Variants in TLCD4 observed in about 807,000 individuals in gnomAD.
TLCD4 encodes the protein TLC domain-containing protein 4.
Under a neutral mutation model 24.2 loss-of-function variants are expected in TLCD4, and 7 were observed. The ratio of observed to expected loss-of-function variants is 0.29; its 90% CI spans 0.16 to 0.54. The LOEUF is 0.54. Among genes scored for constraint, TLCD4 ranks in the 20% least tolerant of loss-of-function variants. TLCD4 has a pLI of 0.95. For synonymous variants in TLCD4, 103 were observed against 106.4 expected (o/e 0.97, Z 0.20); for missense variants, 259 against 313.9 (o/e 0.82, Z 1.32).
chr1:95,156,333 A>C (rs555541334), intron 5 of TLCD4, among the ~76,000 whole-genome samples: 1 of 152,138 alleles, frequency 6.6e-6, no homozygotes, highest in Non-Finnish European at 1.5e-5. Context: ...TCAGATCTTC[A>C]TGGGTGATAC....
intron 5 of TLCD4, 90 bp downstream of exon 5, chr1:95,151,509 T>A: frequency 6.8e-7 from 1 of 1,476,028 alleles, no homozygotes; most frequent in Non-Finnish European, 9.2e-7. Context: ...ATACAATTCT[T>A]AGTTTTTAAA....
At chr1:95,142,272 G>GAAGCTCTTTTATA (rs1350375280) in intron 1 of TLCD4, among the ~76,000 whole-genome samples, 1 of 141,668 alleles carries the variant, frequency 7.1e-6, no homozygotes, top group African/African-American at 2.6e-5. Flanking sequence ...GTTAAGACCT[G>GAAGCTCTTTTATA]AAGCTCTTTT....
chr1:95,190,561 T>A (rs991013204), intron 6 of TLCD4, among the ~76,000 whole-genome samples: 1 of 152,030 alleles, frequency 6.6e-6, no homozygotes, highest in Admixed American at 6.6e-5. Flanking sequence ...ACTCCTGACC[T>A]GATGATCCAC....
At chr1:95,153,632 C>A (rs574819094) in intron 5 of TLCD4, among the ~76,000 whole-genome samples, 1 of 152,114 alleles carries the variant, frequency 6.6e-6, no homozygotes, top group Non-Finnish European at 1.5e-5. Context: ...CCAATTCACA[C>A]GTAGTTTGCC....
At chr1:95,120,636 GAGGA>G (rs1423011600) in intron 1 of TLCD4, among the ~76,000 whole-genome samples, 2 of 152,226 alleles carry the variant, frequency 1.3e-5, no homozygotes, top group African/African-American at 2.4e-5. Flanking sequence ...GCCAGCACTG[GAGGA>G]AGGGAGTCCC....
intron 6 of TLCD4, among the ~76,000 whole-genome samples, chr1:95,188,794 T>C (rs11165336): frequency 0.4 from 60,555 of 151,818 alleles, 13,444 homozygotes; most frequent in East Asian, 0.62. Context: ...GTATATTGTG[T>C]ATTCTCTGTT....
chr1:95,158,021 T>C (rs1677679677), intron 5 of TLCD4, among the ~76,000 whole-genome samples: 1 of 152,120 alleles, frequency 6.6e-6, no homozygotes, highest in Non-Finnish European at 1.5e-5. Flanking sequence ...TAATGTTAGA[T>C]AGTATTTTCT....
intron 5 of TLCD4, among the ~76,000 whole-genome samples, chr1:95,166,752 C>A (rs2100977442): frequency 6.6e-6 from 1 of 152,182 alleles, no homozygotes; most frequent in East Asian, 1.9e-4. Context: ...TTTTTAGAGA[C>A]AAAGTCTCAC....
At chr1:95,099,063 A>AAAAAAAAAAC in the TLCD4 span, among the ~76,000 whole-genome samples, 1 of 150,676 alleles carries the variant, frequency 6.6e-6, no homozygotes, top group Non-Finnish European at 1.5e-5. Flanking sequence ...CAAAAAAAAA[A>AAAAAAAAAAC]AAAAAAAAAA....
intron 6 of TLCD4, among the ~76,000 whole-genome samples, chr1:95,176,802 A>G (rs1678445281): frequency 6.6e-6 from 1 of 151,940 alleles, no homozygotes; most frequent in South Asian, 2.1e-4. Flanking sequence ...TCTTTAATTC[A>G]TTTTGAATTA....
At chr1:95,147,531 T>C (rs969729767) in intron 2 of TLCD4, among the ~76,000 whole-genome samples, 5 of 152,236 alleles carry the variant, frequency 3.3e-5, no homozygotes, top group African/African-American at 9.6e-5. Context: ...TGAGAATCTT[T>C]GCTTATTTAA....
chr1:95,187,577 A>T (rs576409816), intron 6 of TLCD4, among the ~76,000 whole-genome samples: 1 of 152,120 alleles, frequency 6.6e-6, no homozygotes, highest in South Asian at 2.1e-4. Context: ...CTCATCACAC[A>T]TATTAGGACT....
chr1:95,147,017 TAGAG>T (rs35785916), intron 2 of TLCD4, among the ~76,000 whole-genome samples: 1 of 151,958 alleles, frequency 6.6e-6, no homozygotes, highest in African/African-American at 2.4e-5. Flanking sequence ...TGAATAGCAA[TAGAG>T]AGTGGGCTGT....
At chr1:95,124,438 C>T (rs1676655884) in intron 1 of TLCD4, among the ~76,000 whole-genome samples, 1 of 152,122 alleles carries the variant, frequency 6.6e-6, no homozygotes, top group Non-Finnish European at 1.5e-5. Context: ...TAAGAAAACA[C>T]TATATTTGCA....
chr1:95,150,171 C>A (rs767210031), intron 3 of TLCD4, 37 bp from the exon 4 acceptor site: 1 of 1,589,930 alleles, frequency 6.3e-7, no homozygotes, highest in South Asian at 1.1e-5. Flanking sequence ...CATCTACAAT[C>A]TATATACTTT....
chr1:95,128,699 A>C (rs1004396775), intron 1 of TLCD4, among the ~76,000 whole-genome samples: 5 of 152,224 alleles, frequency 3.3e-5, no homozygotes, highest in African/African-American at 9.6e-5. Flanking sequence ...CCCGCAAAAC[A>C]AACTATAGAA....
intron 1 of TLCD4, among the ~76,000 whole-genome samples, chr1:95,131,910 G>A (rs1571729184): frequency 6.6e-6 from 1 of 152,174 alleles, no homozygotes; most frequent in Non-Finnish European, 1.5e-5. Context: ...CCTCATGAGT[G>A]GCTTGGTGCC....
chr1:95,093,151 C>T, the TLCD4 span, among the ~76,000 whole-genome samples: 1 of 152,184 alleles, frequency 6.6e-6, no homozygotes. Context: ...TATTCTCCAA[C>T]ATCCACTTCA....
the TLCD4 span, among the ~76,000 whole-genome samples, chr1:95,109,945 ATATATATATATAT>A: frequency 7.1e-6 from 1 of 141,788 alleles, no homozygotes; most frequent in Non-Finnish European, 1.5e-5. Context: ...ATATATATAT[ATATATATATATAT>A]ACACACACAC....
Sources: allele counts gnomAD v4.1 joint callset (sites outside exome capture counted in the v4.1 genomes callset), GRCh38; gene constraint gnomAD v4.1.1; transcripts MANE v1.5; gene names NCBI Gene and HGNC (gene_info 2026-07-23, HGNC 2026-07-21).